The following STXBP6 variants were observed in gnomAD, a reference collection of about 807,000 sequenced individuals.
STXBP6 encodes the protein syntaxin binding protein 6, also known as syntaxin-binding protein 6.
STXBP6 carries 21 observed loss-of-function variants against 26.9 expected under a neutral mutation model. The ratio of observed to expected loss-of-function variants is 0.78; its 90% CI spans 0.55 to 1.12. The LOEUF (loss-of-function observed/expected upper bound fraction) is 1.12, where lower values mean the gene tolerates loss of function less well. STXBP6 is among the 50% of genes most tolerant of loss of function. STXBP6 has a pLI of 0.00. For missense variants in STXBP6, 232 were observed against 257.9 expected (o/e 0.90, Z 0.69); for synonymous variants, 97 against 92.6 (o/e 1.05, Z -0.27).
chr14:24,813,593 C>T (rs1422943790), intron 5 of STXBP6, among the ~76,000 whole-genome samples: 1 of 152,170 alleles, frequency 6.6e-6, no homozygotes, highest in African/African-American at 2.4e-5. Context: ...GGGCTGGGAA[C>T]AACTGGGGTT....
intron 1 of STXBP6, among the ~76,000 whole-genome samples, chr14:25,044,003 C>T (rs1232638840): frequency 4.3e-5 from 6 of 138,694 alleles, no homozygotes; most frequent in Non-Finnish European, 9.6e-5. Flanking sequence ...AACTCTATCT[C>T]TACCAAAAAT....
At chr14:24,989,656 G>A (rs973943963) in intron 1 of STXBP6, among the ~76,000 whole-genome samples, 30 of 152,172 alleles carry the variant, frequency 2.0e-4, no homozygotes, top group African/African-American at 7.0e-4. Context: ...ATGTATGAAG[G>A]TGAGGACTGT....
At chr14:24,883,464 A>C (rs2070450760) in intron 2 of STXBP6, among the ~76,000 whole-genome samples, 1 of 152,198 alleles carries the variant, frequency 6.6e-6, no homozygotes, top group African/African-American at 2.4e-5. Context: ...TTGGTAATTA[A>C]AATTTGTATT....
chr14:24,891,953 G>C (rs2070802784), intron 2 of STXBP6, among the ~76,000 whole-genome samples: 1 of 152,202 alleles, frequency 6.6e-6, no homozygotes, highest in South Asian at 2.1e-4. Flanking sequence ...AAGCTCAAGA[G>C]CCACATACCC....
At position 24,889,583 on chromosome 14, in the gene STXBP6, GA is replaced by G. The variant is rs888814300; in HGVS notation, c.155-32427del. 6.3e-5 allele frequency among the ~76,000 whole-genome samples: 9 copies of G among 143,446 alleles called. 2 individuals carry two copies. The highest frequency in any genetic ancestry group is 4.1e-4 in the Admixed American group (6 of 14,596). The allele number at this position is 143,446 out of a possible 152,430, so 94.1% of individuals were successfully genotyped here. On this transcript the variant is annotated intron_variant, in intron 2 of 5. Coordinates refer to ENST00000323944, the MANE Select transcript of STXBP6 (RefSeq NM_001394410.1). The stretch of plus-strand genomic sequence containing the variant: ...GTATAATAATAATAAAATAAAAAAA[GA>G]AAAAAAAAGAATACCCAGAAAAGAA...
At chr14:25,003,647 A>C (rs980778698) in intron 1 of STXBP6, among the ~76,000 whole-genome samples, 1 of 152,234 alleles carries the variant, frequency 6.6e-6, no homozygotes, top group Non-Finnish European at 1.5e-5. Context: ...GTGGTTCAGT[A>C]CCATCCACCA....
At chr14:24,850,536 T>C (rs1398725454) in intron 4 of STXBP6, among the ~76,000 whole-genome samples, 1 of 152,196 alleles carries the variant, frequency 6.6e-6, no homozygotes, top group Admixed American at 6.5e-5. Context: ...TGAAATAAAA[T>C]TGTCTGGATT....
chr14:25,013,352 A>T (rs2075074168), intron 1 of STXBP6, among the ~76,000 whole-genome samples: 1 of 152,078 alleles, frequency 6.6e-6, no homozygotes, highest in Non-Finnish European at 1.5e-5. Flanking sequence ...TTCTTCATAG[A>T]AGTAGTCTAG....
At chr14:24,944,348 C>T (rs991984152) in intron 2 of STXBP6, among the ~76,000 whole-genome samples, 1 of 152,180 alleles carries the variant, frequency 6.6e-6, no homozygotes, top group Non-Finnish European at 1.5e-5. Context: ...TTTCTTCTTG[C>T]TTTAAAACAT....
At chr14:24,822,678 C>A (rs535638816) in intron 4 of STXBP6, among the ~76,000 whole-genome samples, 1 of 152,180 alleles carries the variant, frequency 6.6e-6, no homozygotes, top group South Asian at 2.1e-4. Context: ...TCCCTCCACC[C>A]CCCTTAAGAC....
chr14:25,019,424 C>A (rs1478144748), intron 1 of STXBP6, among the ~76,000 whole-genome samples: 1 of 152,134 alleles, frequency 6.6e-6, no homozygotes, highest in Non-Finnish European at 1.5e-5. Context: ...CATAGACAAA[C>A]AATAAACACA....
intron 1 of STXBP6, among the ~76,000 whole-genome samples, chr14:25,031,610 T>C (rs921791680): frequency 1.3e-5 from 2 of 152,208 alleles, no homozygotes; most frequent in African/African-American, 2.4e-5. Flanking sequence ...GCTTTAATCG[T>C]CTTAGCATGA....
chr14:24,820,589 T>C (rs1226701462), intron 4 of STXBP6, among the ~76,000 whole-genome samples: 2 of 152,176 alleles, frequency 1.3e-5, no homozygotes, highest in East Asian at 3.8e-4. Flanking sequence ...GAATGAAAGG[T>C]CTGGGTCTTC....
rs1365475817 is a variant in STXBP6, at chr14:25,018,713, C to CCATTG, written c.-33+31160_-33+31164dup. Among the ~76,000 whole-genome samples the CCATTG allele has an allele frequency of 5.9e-5, 9 of 152,330 alleles. No individual in the cohort carries two copies. The East Asian group carries it at 1.5e-3, about 26-fold the overall frequency. ...AGGGACAGTCACCAACCTCTCTAGA[C>CCATTG]CATTGCTTCCTTCTATGTCACACTG... On this transcript the variant is annotated intron_variant, in intron 1 of 5. Coordinates refer to ENST00000323944, the MANE Select transcript of STXBP6 (RefSeq NM_001394410.1).
chr14:24,994,256 C>CTAA (rs1555338874), intron 1 of STXBP6, among the ~76,000 whole-genome samples: 4 of 152,160 alleles, frequency 2.6e-5, no homozygotes, highest in African/African-American at 9.7e-5. Context: ...TTGCCTCCAT[C>CTAA]TAATACATTC....
chr14:24,891,999 C>T (rs2070805166), intron 2 of STXBP6, among the ~76,000 whole-genome samples: 2 of 152,206 alleles, frequency 1.3e-5, no homozygotes, highest in East Asian at 1.9e-4. Context: ...AGATCAGGTT[C>T]CCTTTATAAA....
chr14:25,017,405 C>A (rs2075172808), intron 1 of STXBP6, among the ~76,000 whole-genome samples: 2 of 152,180 alleles, frequency 1.3e-5, no homozygotes, highest in African/African-American at 4.8e-5. Flanking sequence ...ATGCTGTATT[C>A]AGAATCTCCA....
chr14:24,993,270 G>T (rs2074520011), intron 1 of STXBP6, among the ~76,000 whole-genome samples: 1 of 152,068 alleles, frequency 6.6e-6, no homozygotes, highest in African/African-American at 2.4e-5. Flanking sequence ...ACGGTTTCCA[G>T]TCCTATGTTC....
chr14:24,851,583 C>T lies in STXBP6; in HGVS notation c.451+4353G>A, dbSNP rs568046716. Among the ~76,000 whole-genome samples the T allele has an allele frequency of 7.9e-5, 12 of 152,204 alleles. No homozygotes were observed. In the East Asian group the frequency reaches 1.4e-3, roughly 17 times the overall value. On this transcript the variant is annotated intron_variant, in intron 4 of 5. Coordinates refer to ENST00000323944, the MANE Select transcript of STXBP6 (RefSeq NM_001394410.1). The stretch of plus-strand genomic sequence containing the variant: ...GTCCCTCCTGTGGAGTCTAATAACA[C>T]GTTATTAACTCCTTTGAGGCACCTT...
Sources: gnomAD v4.1 joint callset for allele counts (sites outside exome capture counted in the v4.1 genomes callset) on GRCh38, gnomAD v4.1.1 for gene constraint, MANE v1.5 for transcripts, NCBI Gene and HGNC (gene_info 2026-07-23, HGNC 2026-07-21) for gene names.